COL6A3: variants seen among roughly 807,000 people sequenced by gnomAD.
COL6A3 encodes collagen alpha-3(VI) chain.
COL6A3 carries 137 observed loss-of-function variants against 274.1 expected under a neutral mutation model. The observed-to-expected ratio is 0.50, with a 90% CI of 0.44 to 0.58. The LOEUF (loss-of-function observed/expected upper bound fraction) is 0.58, where lower values mean the gene tolerates loss of function less well. COL6A3 is among the 20% of genes least tolerant of loss of function. The pLI is 0.00. For synonymous variants in COL6A3, 1,650 were observed against 1,650.6 expected (o/e 1.00, Z 0.01); for missense variants, 3,950 against 4,124.9 (o/e 0.96, Z 1.16).
intron 28 of COL6A3, among the ~76,000 whole-genome samples, chr2:237,349,257 G>A (rs1027309011): frequency 6.6e-6 from 1 of 152,142 alleles, no homozygotes; most frequent in African/African-American, 2.4e-5. Context: ...AAGAACGTGT[G>A]TGAATTGTAC....
rs760281815 is a variant in COL6A3 at position 237,361,878 on chromosome 2, C to A, written c.6064-47G>T. The A allele has an allele frequency of 6.5e-7, 1 of 1,543,664 alleles. No individual in the cohort carries two copies. The highest frequency in any genetic ancestry group is 9.0e-7 in the Non-Finnish European group (1 of 1,115,732). On this transcript the variant is annotated intron_variant, in intron 14 of 43. Transcript: ENST00000295550. The surrounding 1 kb of genome is among the most constrained non-coding windows in gnomAD (Gnocchi z 5.1). ...AAATGTTCAGATCTCAAGAAATGCCCAGCAGAAAATCATAAATGCGCTTTA... is the reference window on the plus strand; with the variant it reads ...AAATGTTCAGATCTCAAGAAATGCCAAGCAGAAAATCATAAATGCGCTTTA...
chr2:237,411,015 C>A (rs936325260), intron 1 of COL6A3, among the ~76,000 whole-genome samples: 42 of 152,200 alleles, frequency 2.8e-4, no homozygotes, highest in Admixed American at 5.2e-4. Context: ...ATAGGATTTT[C>A]TTTAAATGTC....
At chr2:237,351,293 CA>C in intron 26 of COL6A3, 101 bp from the exon 27 acceptor site, 2 of 1,123,224 alleles carry the variant, frequency 1.8e-6, no homozygotes, top group Non-Finnish European at 2.7e-6. Context: ...CAGAGCCCGC[CA>C]GGGGCATGGA....
chr2:237,387,532 A>G, intron 4 of COL6A3, 50 bp downstream of exon 4: 2 of 1,613,082 alleles, frequency 1.2e-6, no homozygotes, highest in Non-Finnish European at 1.7e-6. Flanking sequence ...ATGTAAACCA[A>G]CACACACAAC....
In COL6A3 at chr2:237,387,643, C is replaced by G. The variant is rs1162933726; in HGVS notation, c.1251G>C (p.Pro417=). The G allele has an allele frequency of 1.9e-6, 3 of 1,613,590 alleles. No homozygotes were observed. The South Asian group carries it at 3.3e-5, about 18-fold the overall frequency. ...GCCTTTGGGCCACGCCAACAATGTA[C>G]GGCAGTAATTTCTCCTGGAGGTCCC... is the stretch of plus-strand genomic sequence containing the variant. The part of the protein sequence containing the change: ...SFGDLQEKLL[P]YIVGVAQRHI... The change falls in exon 4 of 44, where the codon CCG becomes CCC. Residue 417 remains proline (P), a synonymous_variant. Transcript: ENST00000295550.
chr2:237,394,500 C>T (rs2078375745), intron 3 of COL6A3, 87 bp downstream of exon 3: 1 of 1,570,602 alleles, frequency 6.4e-7, no homozygotes, highest in Non-Finnish European at 8.7e-7. Flanking sequence ...CACCCGCCAT[C>T]CTAGCTGTTG....
At chr2:237,376,658 C>T (rs2077848340) in intron 7 of COL6A3, 114 bp downstream of exon 7, 4 of 1,055,246 alleles carry the variant, frequency 3.8e-6, no homozygotes, top group Non-Finnish European at 5.9e-6. Flanking sequence ...AATTTTCCAC[C>T]TTTCCTGTAA....
intron 23 of COL6A3, among the ~76,000 whole-genome samples, chr2:237,356,397 AATG>A (rs1210970930): frequency 2.6e-5 from 4 of 152,224 alleles, no homozygotes; most frequent in Non-Finnish European, 4.4e-5. Flanking sequence ...AACATTTTAA[AATG>A]ATATTTTCAA....
At position 237,413,548 on chromosome 2, in the gene COL6A3, G is replaced by A. The variant is rs111260433; in HGVS notation, c.-31+405C>T. On this transcript the variant is annotated intron_variant, in intron 1 of 43. Transcript: ENST00000295550. This position sits in a 1 kb window ranked among gnomAD's most constrained non-coding sequence, Gnocchi z 4.0. ...GAGAGCTCAGAGAACATCTCCCAGC[G>A]GAGCCGCCCGGCAGGGAGCTATGCT... Among the ~76,000 whole-genome samples the A allele has an allele frequency of 2.6e-5, 4 of 152,282 alleles. No individual in the cohort carries two copies. Among genetic ancestry groups the A allele is most frequent in the East Asian group, 1.9e-4 (1 of 5,188 alleles).
At position 237,333,522 on chromosome 2, in the gene COL6A3, G is replaced by C; in HGVS notation, c.9256C>G (p.Pro3086Ala). The change falls in exon 42 of 44, where the codon CCA becomes GCA. Residue 3086 changes from proline (P) to alanine (A), a missense_variant. By Grantham distance (27) the Pro-to-Ala change is conservative (BLOSUM62 -1). Around this residue, in one of 5 missense-constraint regions of COL6A3, gnomAD observed 1,284 missense variants for 1,349.7 expected, o/e 0.95. Transcript: ENST00000295550. ...TKKSQPPPPQ[P>A]ARSASSSTIN... ...GTTGAACTAGAAGCTGACCTTGCTG[G>C]CTGTGGAGGTGGGGGCTGAGATTTC... is the stretch of plus-strand genomic sequence containing the variant. 6.2e-7 allele frequency: 1 copy of C among 1,614,206 alleles called. No individual in the cohort carries two copies. Among genetic ancestry groups the C allele is most frequent in the Non-Finnish European group, 8.5e-7 (1 of 1,180,026 alleles).
At position 237,381,454 on chromosome 2, in the gene COL6A3, G is replaced by A; in HGVS notation, c.1358C>T (p.Ser453Leu). 2 of 1,608,770 alleles carry A rather than the reference G, an allele frequency of 1.2e-6. No individual in the cohort carries two copies. Among genetic ancestry groups the A allele is most frequent in the Non-Finnish European group, 1.7e-6 (2 of 1,180,006 alleles). ...KRDIVFLVDG[S>L]SALGLANFNA... is the part of the protein sequence containing the mutation. Reference sequence around the variant, plus strand: ...GAAGTTGGCCAGTCCCAGTGCAGATGAGCCATCCACCAGGAAGACTATGTC... The same window carrying A: ...GAAGTTGGCCAGTCCCAGTGCAGATAAGCCATCCACCAGGAAGACTATGTC... Residue 453 changes from serine (S) to leucine (L), a missense_variant, in exon 5 of 44, where the codon TCA (serine) becomes TTA (leucine). Ser to Leu is a moderately radical substitution (Grantham distance 145). Coordinates refer to ENST00000295550, the MANE Select transcript of COL6A3 (RefSeq NM_004369.4).
At chr2:237,336,832 T>A (rs1382372622) in intron 39 of COL6A3, among the ~76,000 whole-genome samples, 2 of 152,172 alleles carry the variant, frequency 1.3e-5, no homozygotes, top group Admixed American at 6.5e-5. Context: ...CAATAATGAA[T>A]AATATCCAAC....
chr2:237,408,217 G>T (rs1298943887), intron 1 of COL6A3, among the ~76,000 whole-genome samples: 1 of 152,220 alleles, frequency 6.6e-6, no homozygotes, highest in East Asian at 1.9e-4. Flanking sequence ...TGGATTTATT[G>T]CAGTAACCTG....
chr2:237,360,372 G>C (rs1389707978), intron 16 of COL6A3, among the ~76,000 whole-genome samples: 1 of 152,160 alleles, frequency 6.6e-6, no homozygotes, highest in Non-Finnish European at 1.5e-5. Context: ...TGAAGGGAAT[G>C]AGATCTGGGA....
intron 5 of COL6A3, 34 bp downstream of exon 5, chr2:237,380,881 C>T (rs2077984551): frequency 1.9e-6 from 3 of 1,598,874 alleles, no homozygotes; most frequent in Non-Finnish European, 2.6e-6. Flanking sequence ...CTGGAGACCA[C>T]CCCATTGTGT....
intron 13 of COL6A3, 69 bp from the exon 14 acceptor site, chr2:237,363,467 A>T: frequency 6.3e-7 from 1 of 1,575,914 alleles, no homozygotes; most frequent in Non-Finnish European, 8.7e-7. Context: ...TTTTTTCCTG[A>T]CTACATTTTT....
At chr2:237,331,259 T>C (rs1402423674) in intron 42 of COL6A3, among the ~76,000 whole-genome samples, 1 of 152,188 alleles carries the variant, frequency 6.6e-6, no homozygotes, top group Non-Finnish European at 1.5e-5. Flanking sequence ...TATTATCTTT[T>C]TTTAGTTATT....
intron 23 of COL6A3, chr2:237,355,646 G>A (rs943047789): frequency 1.3e-5 from 2 of 152,220 alleles, no homozygotes; most frequent in African/African-American, 4.8e-5. Context: ...GTTAGGGTTG[G>A]TGTTGCAGAG....
chr2:237,397,034 G>GATAGATAC (rs1255948548), intron 1 of COL6A3, among the ~76,000 whole-genome samples, 187 bp from the exon 2 acceptor site: 1 of 151,056 alleles, frequency 6.6e-6, no homozygotes, highest in Non-Finnish European at 1.5e-5. Context: ...TAGATAGATA[G>GATAGATAC]ATAGATAGAT....
Sources: allele counts gnomAD v4.1 joint callset (sites outside exome capture counted in the v4.1 genomes callset), GRCh38; gene constraint gnomAD v4.1.1; regional missense constraint gnomAD v4.1.1; non-coding constraint Gnocchi (gnomAD v3.1); transcripts MANE v1.5; gene names NCBI Gene and HGNC (gene_info 2026-07-23, HGNC 2026-07-21).